L3MBTL4: variants seen among roughly 807,000 people sequenced by gnomAD.
L3MBTL4 encodes L3MBTL histone methyl-lysine binding protein 4.
Under a neutral mutation model 84.5 loss-of-function variants are expected in L3MBTL4, and 70 were observed. The ratio of observed to expected loss-of-function variants is 0.83; its 90% confidence interval spans 0.68 to 1.01. The LOEUF (loss-of-function observed/expected upper bound fraction) is 1.01, where lower values mean the gene tolerates loss of function less well. Among genes scored for constraint, L3MBTL4 ranks in the 50% least tolerant of loss-of-function variants. The pLI is 0.00. For synonymous variants in L3MBTL4, 274 were observed against 259.8 expected (o/e 1.05, Z -0.52); for missense variants, 715 against 754.8 (o/e 0.95, Z 0.62).
chr18:6,303,952 T>G (rs1195310926), intron 3 of L3MBTL4, among the ~76,000 whole-genome samples: 1 of 147,150 alleles, frequency 6.8e-6, no homozygotes, highest in East Asian at 2.0e-4. Context: ...AGGCGGAGGT[T>G]GCAGCGAGCT....
At chr18:6,090,160 G>GT (rs1471631832) in intron 15 of L3MBTL4, among the ~76,000 whole-genome samples, 3 of 152,072 alleles carry the variant, frequency 2.0e-5, no homozygotes, top group Non-Finnish European at 4.4e-5. Context: ...ATATATATGG[G>GT]TTTTCAGTAA....
At chr18:6,027,975 A>T (rs1440302902) in intron 16 of L3MBTL4, among the ~76,000 whole-genome samples, 1 of 152,154 alleles carries the variant, frequency 6.6e-6, no homozygotes, top group Non-Finnish European at 1.5e-5. Context: ...ATTTTCTCCC[A>T]TTCTGTAGGT....
At chr18:6,358,506 GT>G (rs1350061109) in intron 1 of L3MBTL4, among the ~76,000 whole-genome samples, 2 of 152,144 alleles carry the variant, frequency 1.3e-5, no homozygotes. Flanking sequence ...AAACCCTGCA[GT>G]TTTAGAACAG....
chr18:6,123,373 C>A (rs571663856), intron 14 of L3MBTL4, among the ~76,000 whole-genome samples: 1 of 152,172 alleles, frequency 6.6e-6, no homozygotes. Flanking sequence ...ACAATCCCCA[C>A]GTATCATGGG....
intron 10 of L3MBTL4, among the ~76,000 whole-genome samples, chr18:6,228,006 A>G (rs1031826511): frequency 2.0e-5 from 3 of 152,172 alleles, no homozygotes; most frequent in African/African-American, 7.2e-5. Flanking sequence ...ATAGTTGTAC[A>G]CTATCTGATA....
At chr18:6,350,649 A>G (rs1262260789) in intron 1 of L3MBTL4, among the ~76,000 whole-genome samples, 2 of 152,206 alleles carry the variant, frequency 1.3e-5, no homozygotes, top group Non-Finnish European at 2.9e-5. Flanking sequence ...TACAGCCACT[A>G]TAGAAAACGG....
chr18:6,145,903 A>G (rs1381675801), intron 13 of L3MBTL4, among the ~76,000 whole-genome samples: 2 of 152,200 alleles, frequency 1.3e-5, no homozygotes, highest in African/African-American at 2.4e-5. Flanking sequence ...AAGAAGCATG[A>G]CAGCAAGTCA....
At chr18:6,150,954 T>C (rs1323867860) in intron 13 of L3MBTL4, among the ~76,000 whole-genome samples, 2 of 152,174 alleles carry the variant, frequency 1.3e-5, no homozygotes, top group Non-Finnish European at 2.9e-5. Context: ...AGTGTCTCAG[T>C]GCCAGGGACC....
intron 4 of L3MBTL4, among the ~76,000 whole-genome samples, chr18:6,295,854 C>T (rs1235724404): frequency 1.3e-5 from 2 of 151,992 alleles, no homozygotes; most frequent in African/African-American, 4.8e-5. Flanking sequence ...TGGAGGTGGG[C>T]CTGGTGGGAG....
intron 10 of L3MBTL4, among the ~76,000 whole-genome samples, chr18:6,229,973 T>C (rs2046928287): frequency 6.6e-6 from 1 of 152,196 alleles, no homozygotes; most frequent in Non-Finnish European, 1.5e-5. Context: ...TGAGAGTCAA[T>C]ATAAATTTTA....
intron 15 of L3MBTL4, chr18:6,082,321 T>C (rs2143310344): frequency 6.6e-6 from 1 of 152,324 alleles, no homozygotes; most frequent in Admixed American, 6.5e-5. Context: ...TTCTTTTTTT[T>C]TGCTTATATC....
At chr18:6,151,808 C>T (rs1158704306) in intron 13 of L3MBTL4, among the ~76,000 whole-genome samples, 2 of 152,138 alleles carry the variant, frequency 1.3e-5, no homozygotes, top group African/African-American at 2.4e-5. Context: ...AACACATCAC[C>T]ACCCATGCTG....
intron 12 of L3MBTL4, among the ~76,000 whole-genome samples, chr18:6,186,767 G>A (rs547434032): frequency 3.9e-5 from 6 of 152,306 alleles, no homozygotes; most frequent in Admixed American, 6.5e-5. Context: ...GCAGAGAGCC[G>A]CACTGAGGGT....
intron 4 of L3MBTL4, among the ~76,000 whole-genome samples, chr18:6,295,473 T>C (rs769732150): frequency 7.9e-5 from 12 of 151,618 alleles, no homozygotes; most frequent in Non-Finnish European, 1.6e-4. Flanking sequence ...ACAAACATGT[T>C]CCTTCCCTTT....
At chr18:6,135,597 G>A (rs9962235) in intron 14 of L3MBTL4, among the ~76,000 whole-genome samples, 7,945 of 152,230 alleles carry the variant, frequency 0.052, 695 homozygotes, top group African/African-American at 0.18. Context: ...GCAAGGGCAA[G>A]ATGCTGCCAG....
In L3MBTL4 at chr18:6,001,208, C is replaced by T. The variant is rs151092395; in HGVS notation, c.1445-31646G>A. Among the ~76,000 whole-genome samples the T allele has an allele frequency of 3.4e-4, 52 of 152,346 alleles. 1 individual carries two copies. In the East Asian group the frequency reaches 9.1e-3, roughly 27 times the overall value. On this transcript the variant is annotated intron_variant, in intron 16 of 18. Transcript: ENST00000317931. ...AGGTGCAGGCCAGAGGCCTTTATAGCAATCCCCATTGCCTAAAGTGGCTTC... is the reference window on the plus strand; with the variant it reads ...AGGTGCAGGCCAGAGGCCTTTATAGTAATCCCCATTGCCTAAAGTGGCTTC...
intron 15 of L3MBTL4, among the ~76,000 whole-genome samples, chr18:6,087,703 G>A (rs939629517): frequency 2.6e-5 from 4 of 152,154 alleles, no homozygotes; most frequent in Non-Finnish European, 5.9e-5. Context: ...GGTTGGTGTT[G>A]AGGTGTGTGA....
intron 16 of L3MBTL4, among the ~76,000 whole-genome samples, chr18:6,011,372 T>C (rs888794687): frequency 2.6e-5 from 4 of 152,150 alleles, no homozygotes; most frequent in South Asian, 2.1e-4. Context: ...AAAATAATTA[T>C]AGTATTTGCT....
chr18:6,200,285 G>A (rs987399562), intron 12 of L3MBTL4, among the ~76,000 whole-genome samples: 6 of 152,112 alleles, frequency 3.9e-5, no homozygotes, highest in Admixed American at 6.5e-5. Context: ...CACCATGCTC[G>A]TACACTGATA....
Sources: gnomAD v4.1 joint callset for allele counts (sites outside exome capture counted in the v4.1 genomes callset) on GRCh38, gnomAD v4.1.1 for gene constraint, MANE v1.5 for transcripts, NCBI Gene and HGNC (gene_info 2026-07-23, HGNC 2026-07-21) for gene names.